The following NCAM2 variants were observed in gnomAD, a reference collection of about 807,000 sequenced individuals.
NCAM2 encodes the protein N-CAM-2.
A neutral mutation model predicts 98.1 loss-of-function variants in NCAM2; 30 were observed. That is an observed-to-expected ratio of 0.31 (90% CI 0.23 to 0.41). The LOEUF is 0.41. Ranked by LOEUF, NCAM2 falls within the 10% of genes least tolerant of loss-of-function variation. The pLI is 1.00. For missense variants in NCAM2, 867 were observed against 1,005.8 expected, an observed-to-expected ratio of 0.86 and a Z score of 1.87; for synonymous variants, 368 against 342.4, an observed-to-expected ratio of 1.07 and a Z score of -0.83.
chr21:21,230,115 G>A (rs745968450), intron 1 of NCAM2, among the ~76,000 whole-genome samples: 12 of 150,884 alleles, frequency 8.0e-5, no homozygotes, highest in Admixed American at 2.7e-4. Flanking sequence ...TGACATGCCT[G>A]ATTTGGATGA....
chr21:21,220,987 C>T lies in NCAM2; in HGVS notation c.56-59591C>T, dbSNP rs138587704. Among the ~76,000 whole-genome samples the T allele has an allele frequency of 3.6e-3, 547 of 152,182 alleles. 5 individuals are homozygous for T. Among genetic ancestry groups the T allele is most frequent in the African/African-American group, 0.013 (529 of 41,504 alleles). ...TCTGTCAGTGCTATTTTTCCAGGAG[C>T]GTGTACTCACCTCATGTCTCTGTGT... On this transcript the variant is annotated intron_variant, in intron 1 of 17. Transcript: ENST00000400546.
intron 1 of NCAM2, among the ~76,000 whole-genome samples, chr21:21,268,582 T>C (rs1243977164): frequency 6.6e-6 from 1 of 152,144 alleles, no homozygotes; most frequent in Non-Finnish European, 1.5e-5. Flanking sequence ...ATATCAGCCT[T>C]TCTTTCAATA....
At chr21:21,371,531 C>T (rs183879552) in intron 8 of NCAM2, among the ~76,000 whole-genome samples, 3 of 151,882 alleles carry the variant, frequency 2.0e-5, no homozygotes, top group African/African-American at 7.2e-5. Flanking sequence ...ACCCCACTGT[C>T]TTCTGTGCGT....
At chr21:21,171,815 T>C (rs553344032) in intron 1 of NCAM2, among the ~76,000 whole-genome samples, 49 of 150,572 alleles carry the variant, frequency 3.3e-4, no homozygotes, top group African/African-American at 1.2e-3. Context: ...CTAATGGGGA[T>C]AGAATCAAAG....
chr21:21,025,188 C>CCATT lies in NCAM2; in HGVS notation c.55+26572_55+26575dup, dbSNP rs770393161. Among the ~76,000 whole-genome samples, 69 of 151,970 alleles carry CCATT rather than the reference C, an allele frequency of 4.5e-4. 1 individual carries two copies. Among genetic ancestry groups the CCATT allele is most frequent in the Non-Finnish European group, 4.7e-4 (32 of 67,972 alleles). On this transcript the variant is annotated intron_variant, in intron 1 of 17. Coordinates refer to ENST00000400546, the MANE Select transcript of NCAM2 (RefSeq NM_004540.5). ...GCAAGCTCCGCCTCCCGGGTTCATG[C>CCATT]CATTCTCCTGCGTCAGCCTCTTGAG...
chr21:21,360,507 T>A (rs1247142406), intron 8 of NCAM2, among the ~76,000 whole-genome samples: 4 of 152,012 alleles, frequency 2.6e-5, no homozygotes, highest in African/African-American at 9.7e-5. Context: ...TATCTACTTA[T>A]AAGATAATGT....
At chr21:21,056,290 A>G (rs2049135599) in intron 1 of NCAM2, among the ~76,000 whole-genome samples, 1 of 152,072 alleles carries the variant, frequency 6.6e-6, no homozygotes, top group Non-Finnish European at 1.5e-5. Flanking sequence ...ATCTTGAGGA[A>G]AAACTGTGGA....
At chr21:21,403,985 G>A (rs183424245) in intron 9 of NCAM2, among the ~76,000 whole-genome samples, 111 of 151,456 alleles carry the variant, frequency 7.3e-4, no homozygotes, top group African/African-American at 2.6e-3. Flanking sequence ...TTAATATATG[G>A]TATCATAATA....
chr21:21,211,296 CA>C (rs2069652710), intron 1 of NCAM2, among the ~76,000 whole-genome samples: 1 of 152,024 alleles, frequency 6.6e-6, no homozygotes, highest in Non-Finnish European at 1.5e-5. Flanking sequence ...CTAGGAGAAA[CA>C]AAATACTGTG....
intron 16 of NCAM2, among the ~76,000 whole-genome samples, chr21:21,530,203 A>G (rs1314306312): frequency 1.3e-5 from 1 of 74,428 alleles, no homozygotes; most frequent in African/African-American, 4.5e-5. Flanking sequence ...ATTTAATTAT[A>G]TATAATTTAA....
intron 16 of NCAM2, among the ~76,000 whole-genome samples, chr21:21,519,109 T>A (rs1384445391): frequency 6.6e-6 from 1 of 151,784 alleles, no homozygotes; most frequent in Non-Finnish European, 1.5e-5. Flanking sequence ...TTGGTGAGAG[T>A]CAGAGAAAGA....
chr21:21,124,386 A>C (rs1404132143), intron 1 of NCAM2, among the ~76,000 whole-genome samples: 1 of 152,216 alleles, frequency 6.6e-6, no homozygotes, highest in Admixed American at 6.5e-5. Context: ...CCTGTTTAAC[A>C]TAACAAAGAA....
chr21:21,131,924 A>G (rs535633771), intron 1 of NCAM2, among the ~76,000 whole-genome samples: 2 of 152,298 alleles, frequency 1.3e-5, no homozygotes, highest in African/African-American at 4.8e-5. Context: ...TCCTATTGAT[A>G]TTGTAACAAA....
intron 5 of NCAM2, among the ~76,000 whole-genome samples, chr21:21,293,617 A>G (rs991754524): frequency 6.7e-6 from 1 of 149,998 alleles, no homozygotes; most frequent in African/African-American, 2.4e-5. Flanking sequence ...TGCGGGAGGA[A>G]GATTTCAGTG....
Position 21,364,850 on chromosome 21 carries a change from A to G in NCAM2, c.1045-9013A>G, listed in dbSNP as rs565632674. ...CTAGTGACAATTTAAAATACTTTTT[A>G]GAACTTCCATAATGGATGAAGTGGG... is the stretch of plus-strand genomic sequence containing the variant. On this transcript the variant is annotated intron_variant, in intron 8 of 17. Coordinates refer to ENST00000400546, the MANE Select transcript of NCAM2 (RefSeq NM_004540.5). 3.9e-4 allele frequency among the ~76,000 whole-genome samples: 59 copies of G among 152,286 alleles called. No homozygotes were observed. The South Asian group carries it at 0.012, about 32-fold the overall frequency.
intron 15 of NCAM2, among the ~76,000 whole-genome samples, chr21:21,498,607 G>C (rs1380057839): frequency 6.6e-6 from 1 of 152,076 alleles, no homozygotes; most frequent in African/African-American, 2.4e-5. Context: ...ATTTTGTCAG[G>C]GAGCTGAAAG....
At chr21:21,432,001 A>G (rs935865293) in intron 11 of NCAM2, 107 bp from the exon 12 acceptor site, 6 of 889,072 alleles carry the variant, frequency 6.7e-6, no homozygotes, top group Non-Finnish European at 8.3e-6. Flanking sequence ...ATTAAGTGAT[A>G]CAGGTAGCAG....
At chr21:21,041,951 T>C (rs186462890) in intron 1 of NCAM2, among the ~76,000 whole-genome samples, 11 of 152,094 alleles carry the variant, frequency 7.2e-5, no homozygotes, top group African/African-American at 2.7e-4. Flanking sequence ...GATGGAGAAA[T>C]ATGGACACAA....
intron 12 of NCAM2, among the ~76,000 whole-genome samples, chr21:21,441,839 C>T (rs548489595): frequency 6.6e-6 from 1 of 151,906 alleles, no homozygotes. Context: ...CATGGTTGCA[C>T]TAGAGAGAAA....
Sources: gnomAD v4.1 joint callset for allele counts (sites outside exome capture counted in the v4.1 genomes callset) on GRCh38, gnomAD v4.1.1 for gene constraint, MANE v1.5 for transcripts, NCBI Gene and HGNC (gene_info 2026-07-23, HGNC 2026-07-21) for gene names.